The following KISS1R variants were observed in gnomAD, a reference collection of about 807,000 sequenced individuals.
KISS1R encodes the protein kiSS-1 receptor.
KISS1R carries 19 observed loss-of-function variants against 22.0 expected under a neutral mutation model. The ratio of observed to expected loss-of-function variants is 0.86; its 90% CI spans 0.60 to 1.26. The LOEUF (loss-of-function observed/expected upper bound fraction) is 1.26. KISS1R is among the 50% of genes most tolerant of loss of function. The pLI is 0.00. For synonymous variants in KISS1R, 302 were observed against 283.9 expected, an observed-to-expected ratio of 1.06 and a Z score of -0.64; for missense variants, 653 against 581.9, an observed-to-expected ratio of 1.12 and a Z score of -1.26.
At chr19:917,783 C>G (rs997489187) in intron 1 of KISS1R, 37 bp downstream of exon 1, 2 of 1,575,046 alleles carry the variant, frequency 1.3e-6, no homozygotes, top group Admixed American at 1.8e-5. Context: ...GCTGCCGTCC[C>G]GGGGGCTCCG....
chr19:918,610 C>G lies in KISS1R; in HGVS notation c.311C>G (p.Pro104Arg), dbSNP rs1376019387. The G allele has an allele frequency of 1.9e-6, 3 of 1,551,512 alleles. No individual in the cohort carries two copies. Among genetic ancestry groups the G allele is most frequent in the Non-Finnish European group, 2.6e-6 (3 of 1,147,254 alleles). Residue 104 changes from proline to arginine, a missense_variant, in exon 2 of 5, where the codon CCG becomes CGG. Pro to Arg is a moderately radical substitution (Grantham distance 103). Transcript: ENST00000234371. ...CCVPFTALLY[P>R]LPGWVLGDFM... ...GTCCCCTTCACGGCCCTGCTGTACCCGCTGCCCGGCTGGGTGCTGGGCGAC... is the reference window on the plus strand; with the variant it reads ...GTCCCCTTCACGGCCCTGCTGTACCGGCTGCCCGGCTGGGTGCTGGGCGAC...
chr19:919,756 G>A lies in KISS1R; in HGVS notation c.506-118G>A, dbSNP rs527794486. 3,705 of 1,497,098 alleles carry A rather than the reference G, an allele frequency of 2.5e-3. 29 individuals are homozygous for A. Among genetic ancestry groups the A allele is most frequent in the Non-Finnish European group, 1.9e-3 (2,120 of 1,112,682 alleles). The allele number at this position is 1,497,098 out of a possible 1,614,324, so 92.7% of individuals were successfully genotyped here. Reference sequence around the variant, plus strand: ...ATAGCTCTGCCTGCCTAGGGCCAGCGAGGCTGCAGACGGGGCGCCCGGGCC... The same window carrying A: ...ATAGCTCTGCCTGCCTAGGGCCAGCAAGGCTGCAGACGGGGCGCCCGGGCC... On this transcript the variant is annotated intron_variant, in intron 3 of 4. Transcript: ENST00000234371.
chr19:919,779 G>A, intron 3 of KISS1R, 95 bp from the exon 4 acceptor site: 1 of 1,488,420 alleles, frequency 6.7e-7, no homozygotes, highest in African/African-American at 1.4e-5. Context: ...GGGCGCCCGG[G>A]CCTTTGCAGG....
chr19:917,610 G>T lies in KISS1R; in HGVS notation c.108G>T (p.Ser36=). 1 of 1,566,338 alleles carries T rather than the reference G, an allele frequency of 6.4e-7. No individual in the cohort carries two copies. ...GANASDGPVP[S]PRAVDAWLVP... is the part of the protein sequence containing the mutation. Reference sequence around the variant, plus strand: ...ACGCCTCGGACGGCCCAGTCCCTTCGCCGCGGGCCGTGGACGCCTGGCTCG... The same window carrying T: ...ACGCCTCGGACGGCCCAGTCCCTTCTCCGCGGGCCGTGGACGCCTGGCTCG... Residue 36 remains serine, a synonymous_variant, in exon 1 of 5, where the codon TCG becomes TCT. Coordinates refer to ENST00000234371, the MANE Select transcript of KISS1R (RefSeq NM_032551.5).
Position 920,288 on chromosome 19 carries a change from AG to A in KISS1R, c.741del. ...CTAACCACCTTCACGGCACCCCCCC[AG>A]GGGCAGGTGCTGGCAGAGCGCGCAG... On this transcript the variant is annotated splice_acceptor_variant, in intron 4 of 4. Transcript: ENST00000234371. LOFTEE classifies it high-confidence loss of function. 1 of 1,569,612 alleles carries A rather than the reference AG, an allele frequency of 6.4e-7. No homozygotes were observed. The highest frequency in any genetic ancestry group is 8.6e-7 in the Non-Finnish European group (1 of 1,166,898).
At position 918,411 on chromosome 19, in the gene KISS1R, A is replaced by C. The variant is rs974648871; in HGVS notation, c.245-133A>C. 8.9e-4 allele frequency: 83 copies of C among 93,168 alleles called. No homozygotes were observed. In the Middle Eastern group the frequency reaches 0.034, roughly 38 times the overall value. 5.8% of individuals were successfully genotyped at this position (93,168 alleles called of 1,614,324 possible). On this transcript the variant is annotated intron_variant, in intron 1 of 4. Coordinates refer to ENST00000234371, the MANE Select transcript of KISS1R (RefSeq NM_032551.5). ...CCGAGGAGGCCAGGGGCGCTGGGGG[A>C]GGGGGGGGCCTCCCTGAGCCATCCT...
chr19:918,404 C>A, intron 1 of KISS1R, 140 bp from the exon 2 acceptor site: 1 of 875,572 alleles, frequency 1.1e-6, no homozygotes, highest in Non-Finnish European at 1.6e-6. Flanking sequence ...GCCAGGGGCG[C>A]TGGGGGAGGG....
In KISS1R at chr19:918,720, G is replaced by A. The variant is rs1421529408; in HGVS notation, c.369+52G>A. On this transcript the variant is annotated intron_variant, in intron 2 of 4. Transcript: ENST00000234371. Reference sequence around the variant, plus strand: ...GGCGCACTTGGGGACGGGCGGGGGTGCGCTCCGCAGTGGGAGGGGAGGGGA... The same window carrying A: ...GGCGCACTTGGGGACGGGCGGGGGTACGCTCCGCAGTGGGAGGGGAGGGGA... The A allele has an allele frequency of 2.0e-6, 3 of 1,529,268 alleles. No individual in the cohort carries two copies. In the East Asian group the frequency reaches 7.4e-5, roughly 38 times the overall value. 94.7% of individuals were successfully genotyped at this position (1,529,268 alleles called of 1,614,324 possible). A position where few individuals can be genotyped will look rare whatever the true frequency, so the allele number is the denominator to read the frequency against.
chr19:917,773 G>C (rs765078073), intron 1 of KISS1R, 27 bp downstream of exon 1: 274 of 1,585,414 alleles, frequency 1.7e-4, no homozygotes, highest in Admixed American at 2.9e-4. Flanking sequence ...CGCCGCACCT[G>C]CTGCCGTCCC....
chr19:918,584 C>T lies in KISS1R; in HGVS notation c.285C>T (p.Cys95=). The T allele has an allele frequency of 6.4e-7, 1 of 1,551,494 alleles. No homozygotes were observed. Among genetic ancestry groups the T allele is most frequent in the African/African-American group, 1.4e-5 (1 of 73,264 alleles). The change falls in exon 2 of 5, where the codon TGC becomes TGT. Residue 95 remains cysteine (C), a synonymous_variant. Coordinates refer to ENST00000234371, the MANE Select transcript of KISS1R (RefSeq NM_032551.5). Reference sequence around the variant, plus strand: ...CGGACGTGACCTTCCTCCTGTGCTGCGTCCCCTTCACGGCCCTGCTGTACC... The same window carrying T: ...CGGACGTGACCTTCCTCCTGTGCTGTGTCCCCTTCACGGCCCTGCTGTACC... ...AATDVTFLLC[C]VPFTALLYPL...
In KISS1R at chr19:917,524, G is replaced by C. The variant is rs1393776697; in HGVS notation, c.22G>C (p.Gly8Arg). The stretch of plus-strand genomic sequence containing the variant: ...GGCCATGCACACCGTGGCTACGTCC[G>C]GACCCAACGCGTCCTGGGGGGCACC... MHTVATS[G>R]PNASWGAPAN... Residue 8 changes from glycine to arginine, a missense_variant, in exon 1 of 5, where the codon GGA becomes CGA. By Grantham distance (125) the Gly-to-Arg change is moderately radical. Transcript: ENST00000234371. The C allele has an allele frequency of 4.7e-6, 7 of 1,502,548 alleles. No individual in the cohort carries two copies. Among genetic ancestry groups the C allele is most frequent in the Middle Eastern group, 2.0e-4 (1 of 5,098 alleles). 93.1% of individuals were successfully genotyped at this position (1,502,548 alleles called of 1,614,324 possible).
Position 919,887 on chromosome 19 carries a change from G to A in KISS1R, c.519G>A (p.Val173=), listed in dbSNP as rs974331494. ...CTTGTGGCACAGGCTCTGCGGCGGT[G>A]TCTGCGCCGGTGCTCGCCCTGCACC... ...SLSIWVGSAA[V]SAPVLALHRL... is the part of the protein sequence containing the mutation. The change falls in exon 4 of 5, where the codon GTG becomes GTA. Residue 173 remains valine, a synonymous_variant. Coordinates refer to ENST00000234371, the MANE Select transcript of KISS1R (RefSeq NM_032551.5). 4.5e-6 allele frequency: 7 copies of A among 1,539,498 alleles called. No individual in the cohort carries two copies. In the Admixed American group the frequency reaches 1.2e-4, roughly 26 times the overall value.
intron 3 of KISS1R, 30 bp downstream of exon 3, chr19:919,655 A>T: frequency 6.5e-7 from 1 of 1,542,364 alleles, no homozygotes; most frequent in Non-Finnish European, 8.7e-7. Flanking sequence ...CTCACGGGAG[A>T]AGGCGGACAC....
intron 4 of KISS1R, 75 bp downstream of exon 4, chr19:920,181 C>T: frequency 6.7e-7 from 1 of 1,484,776 alleles, no homozygotes; most frequent in Non-Finnish European, 8.9e-7. Context: ...CCGGTGGGGG[C>T]ATCTGCGCGG....
Position 917,930 on chromosome 19 carries a change from T to G in KISS1R, c.244+184T>G, listed in dbSNP as rs542005535. On this transcript the variant is annotated intron_variant, in intron 1 of 4. Coordinates refer to ENST00000234371, the MANE Select transcript of KISS1R (RefSeq NM_032551.5). ...GCACCTGAGGCTAGAGGTCGCAAACTCCAGCGCGGGCGGGCCCGGGCGGGC... is the reference window on the plus strand; with the variant it reads ...GCACCTGAGGCTAGAGGTCGCAAACGCCAGCGCGGGCGGGCCCGGGCGGGC... Among the ~76,000 whole-genome samples the G allele has an allele frequency of 4.6e-4, 70 of 152,098 alleles. 1 individual carries two copies. The highest frequency in any genetic ancestry group is 1.5e-3 in the African/African-American group (64 of 41,508).
In KISS1R at chr19:920,678, A is replaced by T. The variant is rs1775014303; in HGVS notation, c.1127A>T (p.Gln376Leu). The change falls in exon 5 of 5, where the codon CAG becomes CTG. Residue 376 changes from glutamine to leucine, a missense_variant. Physicochemically the swap from Gln to Leu is moderately radical, Grantham distance 113. Transcript: ENST00000234371. ...TCCCACCCGGCCCCCGCCAGGGCGC[A>T]GAAGCCAGGGAGCAGTGGGCTGGCC... ...LGSHPAPARA[Q>L]KPGSSGLAAR... is the part of the protein sequence containing the mutation. The T allele has an allele frequency of 3.8e-6, 5 of 1,321,462 alleles. No homozygotes were observed. The highest frequency in any genetic ancestry group is 4.8e-6 in the Non-Finnish European group (5 of 1,038,084). 81.9% of individuals were successfully genotyped at this position (1,321,462 alleles called of 1,614,324 possible).
At chr19:920,257 T>C in intron 4 of KISS1R, 33 bp from the exon 5 acceptor site, 1 of 1,557,822 alleles carries the variant, frequency 6.4e-7, no homozygotes, top group Non-Finnish European at 8.6e-7. Context: ...GGCCCCAGCC[T>C]TTCGTCTAAC....
At chr19:920,172 C>G (rs1351375679) in intron 4 of KISS1R, 66 bp downstream of exon 4, 1 of 1,478,552 alleles carries the variant, frequency 6.8e-7, no homozygotes, top group Non-Finnish European at 8.9e-7. Context: ...TGGGAGGCGC[C>G]GGTGGGGGCA....
At chr19:918,978 C>G (rs937359571) in intron 2 of KISS1R, among the ~76,000 whole-genome samples, 5 of 123,428 alleles carry the variant, frequency 4.1e-5, no homozygotes, top group African/African-American at 1.6e-4. Flanking sequence ...GGGATGAGCT[C>G]CGGAGCGGGG....
Sources: allele counts gnomAD v4.1 joint callset (sites outside exome capture counted in the v4.1 genomes callset), GRCh38; gene constraint gnomAD v4.1.1; transcripts MANE v1.5; gene names NCBI Gene and HGNC (gene_info 2026-07-23, HGNC 2026-07-21).